TGFBR3: variants seen among roughly 807,000 people sequenced by gnomAD.
The protein encoded by TGFBR3 is transforming growth factor beta receptor type 3.
Under a neutral mutation model 87.9 loss-of-function variants are expected in TGFBR3, and 46 were observed. The ratio of observed to expected loss-of-function variants is 0.52; its 90% CI spans 0.41 to 0.67. TGFBR3 has a LOEUF of 0.67. Ranked by LOEUF, TGFBR3 falls within the 30% of genes least tolerant of loss-of-function variation. The pLI is 0.00. For missense variants in TGFBR3, 866 were observed against 1,041.9 expected, an observed-to-expected ratio of 0.83 and a Z score of 2.32; for synonymous variants, 381 against 391.6, an observed-to-expected ratio of 0.97 and a Z score of 0.32.
chr1:91,865,423 C>T (rs1010196706), intron 1 of TGFBR3, among the ~76,000 whole-genome samples: 2 of 151,374 alleles, frequency 1.3e-5, no homozygotes, highest in African/African-American at 4.9e-5. Flanking sequence ...GCACATTGTG[C>T]ACATGTACCC....
At chr1:91,800,253 T>C (rs866648781) in intron 2 of TGFBR3, among the ~76,000 whole-genome samples, 18 of 132,346 alleles carry the variant, frequency 1.4e-4, no homozygotes, top group African/African-American at 5.3e-4. Flanking sequence ...TATATATATA[T>C]ATACACACAC....
At chr1:91,692,856 G>A (rs1040376966) in intron 16 of TGFBR3, among the ~76,000 whole-genome samples, 5 of 152,202 alleles carry the variant, frequency 3.3e-5, no homozygotes, top group Non-Finnish European at 5.9e-5. Context: ...TTTGTGCTCC[G>A]TGCTGCACAT....
At chr1:91,865,957 A>T (rs1300308739) in intron 1 of TGFBR3, among the ~76,000 whole-genome samples, 4 of 144,902 alleles carry the variant, frequency 2.8e-5, no homozygotes, top group Non-Finnish European at 4.5e-5. Context: ...TAATGGGTTT[A>T]AAAAAAAAGC....
At chr1:91,737,635 G>C (rs892128966) in intron 4 of TGFBR3, among the ~76,000 whole-genome samples, 6 of 152,132 alleles carry the variant, frequency 3.9e-5, no homozygotes, top group Non-Finnish European at 5.9e-5. Context: ...ATGCCTACTA[G>C]AACAAAGAAT....
chr1:91,768,228 A>G (rs912755466), intron 3 of TGFBR3, among the ~76,000 whole-genome samples: 5 of 151,760 alleles, frequency 3.3e-5, no homozygotes, highest in African/African-American at 1.2e-4. Flanking sequence ...AAAAAAAAAA[A>G]TAGAAGACTT....
chr1:91,779,008 C>A (rs1350229047), intron 3 of TGFBR3, among the ~76,000 whole-genome samples: 1 of 152,002 alleles, frequency 6.6e-6, no homozygotes, highest in Non-Finnish European at 1.5e-5. Context: ...AGAGCCCATG[C>A]CAAGGACAGG....
chr1:91,700,064 A>G (rs3767578), intron 14 of TGFBR3, among the ~76,000 whole-genome samples: 15,822 of 152,300 alleles, frequency 0.1, 1,129 homozygotes, highest in East Asian at 0.26. Flanking sequence ...GGATGCAGCT[A>G]TGCTTATTTA....
chr1:91,886,683 C>T (rs746465691), upstream of TGFBR3, among the ~76,000 whole-genome samples: 4 of 152,196 alleles, frequency 2.6e-5, no homozygotes, highest in Non-Finnish European at 4.4e-5. Flanking sequence ...CATTCTGTCC[C>T]TGTGCTTTTT....
intron 2 of TGFBR3, among the ~76,000 whole-genome samples, chr1:91,832,189 T>C (rs1309509715): frequency 1.3e-5 from 2 of 152,218 alleles, no homozygotes; most frequent in African/African-American, 4.8e-5. Flanking sequence ...TAGTCCATCA[T>C]TAACCAATAA....
chr1:91,895,388 C>T (rs925687175), intron 2 of TGFBR3, among the ~76,000 whole-genome samples: 5 of 152,156 alleles, frequency 3.3e-5, no homozygotes, highest in African/African-American at 9.7e-5. Flanking sequence ...TTCCTGAGGC[C>T]TCCCCGAGAA....
intron 11 of TGFBR3, 46 bp from the exon 12 acceptor site, chr1:91,716,440 G>A: frequency 1.2e-6 from 2 of 1,614,018 alleles, no homozygotes; most frequent in Non-Finnish European, 1.7e-6. Flanking sequence ...TCATATGAAG[G>A]ATGAAGGCCC....
intron 2 of TGFBR3, among the ~76,000 whole-genome samples, chr1:91,842,875 C>A (rs1236473048): frequency 6.6e-6 from 1 of 152,138 alleles, no homozygotes; most frequent in Non-Finnish European, 1.5e-5. Flanking sequence ...AAAACTGGGA[C>A]TCAAATCTCC....
intron 1 of TGFBR3, among the ~76,000 whole-genome samples, chr1:91,868,075 G>T (rs555799898): frequency 6.6e-6 from 1 of 152,244 alleles, no homozygotes; most frequent in Non-Finnish European, 1.5e-5. Context: ...GTGCCACCAC[G>T]CCTGGCTAAT....
intron 1 of TGFBR3, among the ~76,000 whole-genome samples, chr1:91,883,046 A>G (rs901798733): frequency 6.6e-6 from 1 of 152,242 alleles, no homozygotes; most frequent in African/African-American, 2.4e-5. Flanking sequence ...AATTCATTAT[A>G]TTCAGTTTTC....
upstream of TGFBR3, chr1:91,886,335 C>A (rs565022117): frequency 1.4e-5 from 5 of 365,912 alleles, no homozygotes; most frequent in South Asian, 4.0e-5. Flanking sequence ...CTCTCCTCCC[C>A]CTTTGCCTCC....
At chr1:91,892,040 G>A (rs956710225) in intron 2 of TGFBR3, among the ~76,000 whole-genome samples, 2 of 152,214 alleles carry the variant, frequency 1.3e-5, no homozygotes, top group Non-Finnish European at 2.9e-5. Context: ...ATTCCACAGA[G>A]ATTTTGGACA....
At chr1:91,846,096 G>A (rs2101128627) in intron 2 of TGFBR3, among the ~76,000 whole-genome samples, 1 of 152,252 alleles carries the variant, frequency 6.6e-6, no homozygotes, top group East Asian at 1.9e-4. Context: ...CAGTACACTG[G>A]CAGTTTAGAA....
At chr1:91,708,414 G>C (rs747958842) in intron 14 of TGFBR3, among the ~76,000 whole-genome samples, 2 of 152,018 alleles carry the variant, frequency 1.3e-5, no homozygotes, top group Non-Finnish European at 2.9e-5. Flanking sequence ...CCTTATGACA[G>C]GAACAACCTA....
chr1:91,786,841 G>A (rs1674989179), intron 3 of TGFBR3, among the ~76,000 whole-genome samples: 1 of 152,176 alleles, frequency 6.6e-6, no homozygotes, highest in Non-Finnish European at 1.5e-5. Flanking sequence ...TGATGGGTCA[G>A]GGAAGCCAGA....
Sources: gnomAD v4.1 joint callset for allele counts (sites outside exome capture counted in the v4.1 genomes callset) on GRCh38, gnomAD v4.1.1 for gene constraint, MANE v1.5 for transcripts, NCBI Gene and HGNC (gene_info 2026-07-23, HGNC 2026-07-21) for gene names.